The following SORCS2 variants were observed in gnomAD, a reference collection of about 807,000 sequenced individuals.
SORCS2 encodes the protein sortilin related VPS10 domain containing receptor 2, also known as VPS10 domain-containing receptor SorCS2.
A neutral mutation model predicts 141.6 loss-of-function variants in SORCS2; 100 were observed. The observed-to-expected ratio is 0.71, with a 90% CI of 0.60 to 0.83. SORCS2 has a LOEUF of 0.83. Among genes scored for constraint, SORCS2 ranks in the 40% least tolerant of loss-of-function variants. The pLI is 0.00. For missense variants in SORCS2, 1,646 were observed against 1,560.2 expected, an observed-to-expected ratio of 1.05 and a Z score of -0.93; for synonymous variants, 789 against 676.9, an observed-to-expected ratio of 1.17 and a Z score of -2.57.
At chr4:7,622,773 G>A (rs192385563) in intron 3 of SORCS2, among the ~76,000 whole-genome samples, 10 of 152,296 alleles carry the variant, frequency 6.6e-5, no homozygotes, top group African/African-American at 2.4e-4. Context: ...AGATTGTAGA[G>A]AACCCCTGGG....
chr4:7,519,603 T>C (rs1036547523), intron 2 of SORCS2, among the ~76,000 whole-genome samples: 8 of 152,368 alleles, frequency 5.3e-5, no homozygotes, highest in Non-Finnish European at 7.3e-5. Context: ...CGCTGCTGCC[T>C]GTGCCTGTAA....
chr4:7,543,984 C>T (rs571601757), intron 3 of SORCS2, among the ~76,000 whole-genome samples: 1 of 138,882 alleles, frequency 7.2e-6, no homozygotes, highest in Non-Finnish European at 1.6e-5. Context: ...ACCCATCCGT[C>T]CATCCATCCA....
chr4:7,328,793 CCCTCAGCACTTGCTGGCAGAGTTG>C (rs1719454246), intron 1 of SORCS2, among the ~76,000 whole-genome samples: 1 of 152,224 alleles, frequency 6.6e-6, no homozygotes, highest in Admixed American at 6.5e-5. Context: ...CCAGGGGCTA[CCCTCAGCACTTGCTGGCAGAGTTG>C]CCTCAGCCAG....
At chr4:7,619,034 G>A (rs1718961210) in intron 3 of SORCS2, among the ~76,000 whole-genome samples, 2 of 152,122 alleles carry the variant, frequency 1.3e-5, no homozygotes, top group Non-Finnish European at 2.9e-5. Flanking sequence ...AAGTACAGGT[G>A]TCAGACACAC....
chr4:7,723,570 C>T lies in SORCS2; in HGVS notation c.2425-127C>T, dbSNP rs1220890195. On this transcript the variant is annotated intron_variant, in intron 18 of 26. Transcript: ENST00000507866. ...CCGGTCTCCTGTGGGTCCCCAGAGC[C>T]CACTCATGTCAAGGAAGGGAGGGCG... 6 of 1,065,526 alleles carry T rather than the reference C, an allele frequency of 5.6e-6. No homozygotes were observed. In the Admixed American group the frequency reaches 5.9e-5, roughly 11 times the overall value. The allele number at this position is 1,065,526 out of a possible 1,614,324, so 66.0% of individuals were successfully genotyped here.
chr4:7,372,019 G>A (rs946220014), intron 1 of SORCS2, among the ~76,000 whole-genome samples: 3 of 152,184 alleles, frequency 2.0e-5, no homozygotes, highest in African/African-American at 7.2e-5. Flanking sequence ...AAGGACGAGA[G>A]CAGTATGGGC....
chr4:7,550,423 C>T (rs1713609980), intron 3 of SORCS2, among the ~76,000 whole-genome samples: 1 of 152,232 alleles, frequency 6.6e-6, no homozygotes, highest in African/African-American at 2.4e-5. Flanking sequence ...CCAAGGTGCT[C>T]TGGCACCACT....
intron 3 of SORCS2, among the ~76,000 whole-genome samples, chr4:7,546,256 TG>T (rs1713253415): frequency 6.6e-6 from 1 of 152,118 alleles, no homozygotes. Flanking sequence ...GGACCAAGCC[TG>T]GGTCACCCAG....
chr4:7,665,843 C>T (rs1214605117), intron 7 of SORCS2, among the ~76,000 whole-genome samples: 1 of 152,174 alleles, frequency 6.6e-6, no homozygotes, highest in Admixed American at 6.5e-5. Context: ...TAGACAGGCT[C>T]GCCTGTCAAA....
intron 2 of SORCS2, among the ~76,000 whole-genome samples, chr4:7,477,042 A>G (rs1378731760): frequency 1.3e-5 from 2 of 151,784 alleles, no homozygotes; most frequent in African/African-American, 4.8e-5. Context: ...CCAGGTTCTG[A>G]CTCCTCCCAC....
At chr4:7,501,614 C>A (rs1186113471) in intron 2 of SORCS2, among the ~76,000 whole-genome samples, 1 of 152,206 alleles carries the variant, frequency 6.6e-6, no homozygotes, top group African/African-American at 2.4e-5. Context: ...TTCTCGCACC[C>A]GGTCTTCCTG....
chr4:7,397,048 C>T (rs1018537464), intron 2 of SORCS2, among the ~76,000 whole-genome samples: 17 of 152,176 alleles, frequency 1.1e-4, no homozygotes, highest in Admixed American at 8.5e-4. Context: ...TTCCATGTAC[C>T]GATTACCACC....
At chr4:7,589,626 C>T (rs544709294) in intron 3 of SORCS2, among the ~76,000 whole-genome samples, 91 of 152,338 alleles carry the variant, frequency 6.0e-4, no homozygotes, top group African/African-American at 2.2e-3. Context: ...TTGTCTCGAA[C>T]TCCTGACCTC....
intron 1 of SORCS2, among the ~76,000 whole-genome samples, chr4:7,259,393 A>G (rs1714158418): frequency 6.6e-6 from 1 of 152,226 alleles, no homozygotes; most frequent in African/African-American, 2.4e-5. Flanking sequence ...AAGCACAGAT[A>G]GAATCACGGG....
chr4:7,259,253 C>A (rs1165954954), intron 1 of SORCS2, among the ~76,000 whole-genome samples: 3 of 152,192 alleles, frequency 2.0e-5, no homozygotes, highest in African/African-American at 7.2e-5. Flanking sequence ...TTACCATACT[C>A]AATTAAAAAG....
intron 2 of SORCS2, among the ~76,000 whole-genome samples, chr4:7,490,903 C>G (rs1442983858): frequency 1.3e-5 from 2 of 152,156 alleles, no homozygotes; most frequent in African/African-American, 4.8e-5. Context: ...CTCCAGACCA[C>G]CGTCTCCTCC....
chr4:7,672,590 A>G (rs975011841), intron 8 of SORCS2, among the ~76,000 whole-genome samples: 4 of 152,212 alleles, frequency 2.6e-5, no homozygotes, highest in Non-Finnish European at 1.5e-5. Flanking sequence ...AAACAATACT[A>G]TGTATATGTG....
intron 5 of SORCS2, among the ~76,000 whole-genome samples, chr4:7,660,179 C>T (rs1237497969): frequency 1.3e-5 from 2 of 152,208 alleles, no homozygotes; most frequent in Non-Finnish European, 2.9e-5. Flanking sequence ...TTTTGCCTCT[C>T]AAGACAGAAG....
chr4:7,569,227 C>G (rs1362608527), intron 3 of SORCS2, among the ~76,000 whole-genome samples: 2 of 152,178 alleles, frequency 1.3e-5, no homozygotes, highest in Non-Finnish European at 2.9e-5. Context: ...GAAATATCCA[C>G]AGAGGCTGGG....
Sources: allele counts gnomAD v4.1 joint callset (sites outside exome capture counted in the v4.1 genomes callset), GRCh38; gene constraint gnomAD v4.1.1; transcripts MANE v1.5; gene names NCBI Gene and HGNC (gene_info 2026-07-23, HGNC 2026-07-21).